EYS: variants seen among roughly 807,000 people sequenced by gnomAD.
EYS encodes the protein protein eyes shut homolog.
Under a neutral mutation model 282.1 loss-of-function variants are expected in EYS, and 250 were observed. That is an observed-to-expected ratio of 0.89 (90% CI 0.80 to 0.98). EYS has a LOEUF of 0.98. Among genes scored for constraint, EYS ranks in the 50% least tolerant of loss-of-function variants. The probability of loss-of-function intolerance (pLI) is 0.00; values close to 1 mark genes in which losing one functional copy is unlikely to be tolerated. For synonymous variants in EYS, 1,355 were observed against 1,282.9 expected, an observed-to-expected ratio of 1.06 and a Z score of -1.20; for missense variants, 4,016 against 3,709.0, an observed-to-expected ratio of 1.08 and a Z score of -2.15.
intron 22 of EYS, among the ~76,000 whole-genome samples, chr6:64,691,323 A>G (rs1421019690): frequency 2.0e-5 from 3 of 152,194 alleles, no homozygotes; most frequent in Non-Finnish European, 4.4e-5. Context: ...TTGGATAAAA[A>G]GAAATAGAAA....
chr6:65,377,043 C>A (rs564711415), intron 8 of EYS, among the ~76,000 whole-genome samples: 13 of 152,284 alleles, frequency 8.5e-5, no homozygotes, highest in African/African-American at 2.9e-4. Flanking sequence ...ATCTACAGAA[C>A]TGTCCACATC....
At chr6:65,612,400 G>A (rs940404376) in intron 2 of EYS, among the ~76,000 whole-genome samples, 1 of 151,456 alleles carries the variant, frequency 6.6e-6, no homozygotes, top group Admixed American at 6.6e-5. Context: ...AAAAACACAG[G>A]TACTAAATTT....
At chr6:65,670,378 G>T (rs1304989819) in intron 1 of EYS, among the ~76,000 whole-genome samples, 1 of 151,996 alleles carries the variant, frequency 6.6e-6, no homozygotes, top group African/African-American at 2.4e-5. Flanking sequence ...ATTGTTGCTA[G>T]GCATGAGGTA....
At position 64,099,443 on chromosome 6, in the gene EYS, T is replaced by A. The variant is rs374455559; in HGVS notation, c.6425-17441A>T. 3.9e-4 allele frequency among the ~76,000 whole-genome samples: 60 copies of A among 152,336 alleles called. 2 individuals are homozygous for A. Among genetic ancestry groups the A allele is most frequent in the African/African-American group, 1.4e-3 (57 of 41,574 alleles). Reference sequence around the variant, plus strand: ...ACTTTAGAATTAGTTTGCCTTTGCCTAGCAAGGATGAAATTATACCTTCAC... The same window carrying A: ...ACTTTAGAATTAGTTTGCCTTTGCCAAGCAAGGATGAAATTATACCTTCAC... On this transcript the variant is annotated intron_variant, in intron 31 of 42. Coordinates refer to ENST00000503581, the MANE Select transcript of EYS (RefSeq NM_001142800.2).
chr6:64,985,449 C>G (rs181856809), intron 14 of EYS, among the ~76,000 whole-genome samples: 1 of 151,578 alleles, frequency 6.6e-6, no homozygotes, highest in Admixed American at 6.6e-5. Context: ...TTTTCCTCCT[C>G]TATGATATTT....
intron 33 of EYS, among the ~76,000 whole-genome samples, chr6:64,035,049 C>T (rs1311679599): frequency 1.3e-5 from 2 of 152,134 alleles, no homozygotes; most frequent in Non-Finnish European, 2.9e-5. Flanking sequence ...GGGGTGGAGG[C>T]TACTGACATG....
intron 22 of EYS, among the ~76,000 whole-genome samples, chr6:64,771,604 A>G (rs573645758): frequency 4.6e-5 from 7 of 151,922 alleles, no homozygotes; most frequent in Admixed American, 2.0e-4. Context: ...ATTCATTCCT[A>G]AACAGCTTAT....
chr6:64,891,577 G>A (rs1767294226), intron 18 of EYS, among the ~76,000 whole-genome samples: 1 of 152,050 alleles, frequency 6.6e-6, no homozygotes, highest in African/African-American at 2.4e-5. Context: ...TCTGGCTATA[G>A]TGTGCAATTC....
At chr6:64,996,965 G>A (rs1168202067) in intron 14 of EYS, among the ~76,000 whole-genome samples, 1 of 152,174 alleles carries the variant, frequency 6.6e-6, no homozygotes, top group Admixed American at 6.5e-5. Context: ...GCCAGTCAGT[G>A]AGTGAGTCCA....
intron 26 of EYS, among the ~76,000 whole-genome samples, chr6:64,483,434 T>C (rs971087229): frequency 6.6e-6 from 1 of 151,730 alleles, no homozygotes; most frequent in Non-Finnish European, 1.5e-5. Context: ...GCTTCTTTCA[T>C]GTGAAAGGAG....
chr6:64,072,673 C>T (rs991506032), intron 32 of EYS, among the ~76,000 whole-genome samples: 5 of 151,832 alleles, frequency 3.3e-5, no homozygotes, highest in Non-Finnish European at 7.4e-5. Context: ...TCTCCACTCC[C>T]ATCATTTTGT....
At chr6:63,758,773 T>C (rs1305511075) in intron 41 of EYS, among the ~76,000 whole-genome samples, 1 of 152,168 alleles carries the variant, frequency 6.6e-6, no homozygotes, top group Non-Finnish European at 1.5e-5. Context: ...ATGGTCATGA[T>C]AATTTTGACT....
At chr6:64,796,923 A>G (rs2150004813) in intron 22 of EYS, among the ~76,000 whole-genome samples, 2 of 152,208 alleles carry the variant, frequency 1.3e-5, no homozygotes, top group South Asian at 4.1e-4. Flanking sequence ...AAATTAAGCA[A>G]TGTAGAATAT....
intron 36 of EYS, among the ~76,000 whole-genome samples, chr6:63,851,566 A>C (rs575124900): frequency 6.6e-6 from 1 of 152,340 alleles, no homozygotes; most frequent in East Asian, 1.9e-4. Flanking sequence ...CTGCTCCTGA[A>C]TGACTACTGG....
At chr6:64,761,388 A>G (rs1039404230) in intron 22 of EYS, among the ~76,000 whole-genome samples, 7 of 152,202 alleles carry the variant, frequency 4.6e-5, no homozygotes, top group African/African-American at 1.7e-4. Flanking sequence ...ACGTCCTCAC[A>G]AGCTTTTTGT....
Position 65,353,618 on chromosome 6 carries a change from C to G in EYS, c.1300-1G>C. 1 of 1,611,396 alleles carries G rather than the reference C, an allele frequency of 6.2e-7. No individual in the cohort carries two copies. Among genetic ancestry groups the G allele is most frequent in the Non-Finnish European group, 8.5e-7 (1 of 1,178,054 alleles). Reference sequence around the variant, plus strand: ...TTGTGCACCCTGGAATGCATACATACTGCAAAAAGGAAACAAGGAAAAATG... The same window carrying G: ...TTGTGCACCCTGGAATGCATACATAGTGCAAAAAGGAAACAAGGAAAAATG... On this transcript the variant is annotated splice_acceptor_variant, in intron 8 of 42. Transcript: ENST00000503581. LOFTEE classifies it high-confidence loss of function.
intron 37 of EYS, among the ~76,000 whole-genome samples, chr6:63,791,583 A>C: frequency 6.6e-6 from 1 of 151,664 alleles, no homozygotes; most frequent in Admixed American, 6.6e-5. Context: ...CTCTCAAAAA[A>C]AAAAAAAAAA....
chr6:64,738,386 A>G (rs1214259156), intron 22 of EYS, among the ~76,000 whole-genome samples: 1 of 152,174 alleles, frequency 6.6e-6, no homozygotes, highest in Non-Finnish European at 1.5e-5. Context: ...CTCCATAAGT[A>G]AAAGCTTCCA....
intron 35 of EYS, among the ~76,000 whole-genome samples, chr6:63,918,386 G>A (rs1267956415): frequency 1.3e-5 from 2 of 152,090 alleles, no homozygotes; most frequent in Non-Finnish European, 2.9e-5. Context: ...TACTTAATAT[G>A]GTAATTCTTC....
Sources: gnomAD v4.1 joint callset for allele counts (sites outside exome capture counted in the v4.1 genomes callset) on GRCh38, gnomAD v4.1.1 for gene constraint, MANE v1.5 for transcripts, NCBI Gene and HGNC (gene_info 2026-07-23, HGNC 2026-07-21) for gene names.